The following GRB10 variants were observed in gnomAD, a reference collection of about 807,000 sequenced individuals.
GRB10 encodes the protein growth factor receptor bound protein 10.
A neutral mutation model predicts 80.9 loss-of-function variants in GRB10; 20 were observed. The ratio of observed to expected loss-of-function variants is 0.25; its 90% CI spans 0.17 to 0.36. GRB10 has a LOEUF of 0.36. GRB10 is among the 10% of genes least tolerant of loss of function. GRB10 has a pLI of 1.00. For synonymous variants in GRB10, 291 were observed against 291.5 expected (o/e 1.00, Z 0.02); for missense variants, 548 against 747.7 (o/e 0.73, Z 3.12).
At chr7:50,627,713 C>A (rs1028417792) in intron 7 of GRB10, among the ~76,000 whole-genome samples, 9 of 152,330 alleles carry the variant, frequency 5.9e-5, no homozygotes, top group Non-Finnish European at 1.3e-4. Flanking sequence ...CAAGACCCTG[C>A]AGCAATGCAC....
intron 7 of GRB10, among the ~76,000 whole-genome samples, chr7:50,643,071 A>G (rs895554134): frequency 3.9e-5 from 6 of 152,206 alleles, no homozygotes; most frequent in Non-Finnish European, 7.3e-5. Flanking sequence ...ATTCGGGTCC[A>G]GTAATAAGCA....
chr7:50,769,375 G>A (rs994399330), intron 2 of GRB10, among the ~76,000 whole-genome samples: 1 of 152,168 alleles, frequency 6.6e-6, no homozygotes. Flanking sequence ...CTTCCCAGGA[G>A]GAAAGAGAGT....
chr7:50,789,752 G>A (rs2078837697), intron 1 of GRB10, among the ~76,000 whole-genome samples: 1 of 151,914 alleles, frequency 6.6e-6, no homozygotes, highest in Non-Finnish European at 1.5e-5. Flanking sequence ...TTCTAATACA[G>A]GGGAAAAGAA....
chr7:50,617,646 C>T (rs1197832655), intron 10 of GRB10, among the ~76,000 whole-genome samples: 2 of 152,090 alleles, frequency 1.3e-5, no homozygotes, highest in East Asian at 1.9e-4. Context: ...TGTGGTAACC[C>T]GATCATCTTT....
At chr7:50,620,542 T>C (rs1413627466) in intron 8 of GRB10, among the ~76,000 whole-genome samples, 1 of 152,192 alleles carries the variant, frequency 6.6e-6, no homozygotes, top group Non-Finnish European at 1.5e-5. Context: ...GTTTTGACAT[T>C]ACAAGGAAAG....
intron 4 of GRB10, chr7:50,710,996 G>A (rs1378419536): frequency 1.8e-6 from 2 of 1,092,860 alleles, no homozygotes; most frequent in African/African-American, 3.1e-5. Context: ...AGAACCTGGA[G>A]AACGGCACAG....
chr7:50,729,033 G>A (rs2069164897), intron 4 of GRB10, among the ~76,000 whole-genome samples: 1 of 152,138 alleles, frequency 6.6e-6, no homozygotes, highest in Admixed American at 6.5e-5. Context: ...TAGAAGAGTA[G>A]GTTCCCCGCC....
intron 3 of GRB10, among the ~76,000 whole-genome samples, chr7:50,747,912 A>T (rs548130742): frequency 5.3e-4 from 81 of 152,274 alleles, no homozygotes; most frequent in Non-Finnish European, 1.0e-3. Context: ...GCAGATAGGA[A>T]ATTCTAGAAG....
At chr7:50,746,810 G>T (rs1271472297) in intron 3 of GRB10, among the ~76,000 whole-genome samples, 1 of 152,028 alleles carries the variant, frequency 6.6e-6, no homozygotes, top group Admixed American at 6.5e-5. Flanking sequence ...CCAGTCCCCA[G>T]GGCTCCCCTG....
chr7:50,731,989 T>C (rs1231674509), intron 4 of GRB10, among the ~76,000 whole-genome samples: 1 of 152,190 alleles, frequency 6.6e-6, no homozygotes, highest in African/African-American at 2.4e-5. Flanking sequence ...GAAGCCCGGC[T>C]CTCAGGGGGC....
intron 4 of GRB10, among the ~76,000 whole-genome samples, chr7:50,722,667 T>TG (rs2067949810): frequency 6.6e-6 from 1 of 151,658 alleles, no homozygotes; most frequent in African/African-American, 2.4e-5. Flanking sequence ...GGATGGACTA[T>TG]GGGGGAGAAT....
At chr7:50,615,822 T>C (rs1179108761) in intron 11 of GRB10, among the ~76,000 whole-genome samples, 1 of 152,232 alleles carries the variant, frequency 6.6e-6, no homozygotes, top group Non-Finnish European at 1.5e-5. Flanking sequence ...TTTCATGAAA[T>C]ATCTATGATA....
intron 2 of GRB10, among the ~76,000 whole-genome samples, chr7:50,761,228 T>C (rs1283177640): frequency 6.6e-6 from 1 of 152,242 alleles, no homozygotes; most frequent in African/African-American, 2.4e-5. Flanking sequence ...TGCCACACGG[T>C]TTGTGATTTT....
intron 6 of GRB10, among the ~76,000 whole-genome samples, chr7:50,671,709 C>T (rs1354324168): frequency 1.3e-5 from 2 of 152,274 alleles, no homozygotes; most frequent in East Asian, 1.9e-4. Context: ...TTCCCATCCA[C>T]GGCTTCTAGC....
At chr7:50,705,576 T>C (rs1370611199) in intron 4 of GRB10, among the ~76,000 whole-genome samples, 1 of 152,230 alleles carries the variant, frequency 6.6e-6, no homozygotes, top group Non-Finnish European at 1.5e-5. Context: ...TTGAATTATT[T>C]GTAGAGAACA....
intron 7 of GRB10, among the ~76,000 whole-genome samples, chr7:50,629,797 C>T (rs2053670766): frequency 1.3e-5 from 2 of 152,318 alleles, no homozygotes; most frequent in South Asian, 4.1e-4. Flanking sequence ...CTTTAGTAAC[C>T]ACCTGAGCAC....
At chr7:50,772,869 T>C (rs1238290840) in intron 2 of GRB10, among the ~76,000 whole-genome samples, 4 of 152,174 alleles carry the variant, frequency 2.6e-5, no homozygotes, top group Admixed American at 2.6e-4. Flanking sequence ...GATAAGAGTA[T>C]TAATATCTAG....
chr7:50,759,722 G>A (rs917531341), intron 2 of GRB10, among the ~76,000 whole-genome samples: 4 of 152,086 alleles, frequency 2.6e-5, no homozygotes, highest in Non-Finnish European at 4.4e-5. Flanking sequence ...CAGAGCGGCT[G>A]TACTTTCAAA....
chr7:50,635,039 T>C (rs1020117959), intron 7 of GRB10, among the ~76,000 whole-genome samples: 1 of 152,142 alleles, frequency 6.6e-6, no homozygotes. Flanking sequence ...CAAATGGAAA[T>C]AATAAACATT....
Sources: allele counts gnomAD v4.1 joint callset (sites outside exome capture counted in the v4.1 genomes callset), GRCh38; gene constraint gnomAD v4.1.1; transcripts MANE v1.5; gene names NCBI Gene and HGNC (gene_info 2026-07-23, HGNC 2026-07-21).